Variants in NTM observed in about 807,000 individuals in gnomAD.
NTM encodes the protein neurotrimin.
A neutral mutation model predicts 42.1 loss-of-function variants in NTM; 13 were observed. That is an observed-to-expected ratio of 0.31 (90% CI 0.20 to 0.49). The LOEUF is 0.49. NTM is among the 20% of genes least tolerant of loss of function. The pLI is 0.99. For missense variants in NTM, 373 were observed against 452.8 expected (o/e 0.82, Z 1.60); for synonymous variants, 187 against 179.2 (o/e 1.04, Z -0.35).
At chr11:132,273,313 T>TG (rs1406819461) in intron 4 of NTM, among the ~76,000 whole-genome samples, 2 of 103,808 alleles carry the variant, frequency 1.9e-5, no homozygotes, top group Admixed American at 1.1e-4. Context: ...ACTAGTGTTT[T>TG]TTTTTTTTTT....
At chr11:131,378,861 TC>T (rs951892262) in intron 1 of NTM, among the ~76,000 whole-genome samples, 1 of 152,184 alleles carries the variant, frequency 6.6e-6, no homozygotes, top group Non-Finnish European at 1.5e-5. Flanking sequence ...CACTGCTCCC[TC>T]CTTCTCATGG....
chr11:132,234,024 T>G (rs1353557252), intron 4 of NTM, among the ~76,000 whole-genome samples: 1 of 152,200 alleles, frequency 6.6e-6, no homozygotes, highest in Admixed American at 6.5e-5. Flanking sequence ...AACAAGACAC[T>G]TTCTTGCCTC....
At chr11:132,139,842 A>T (rs972783625) in intron 2 of NTM, among the ~76,000 whole-genome samples, 1 of 152,158 alleles carries the variant, frequency 6.6e-6, no homozygotes, top group Non-Finnish European at 1.5e-5. Context: ...CAGTGGACAG[A>T]TATTTATTGT....
At chr11:131,882,913 C>A (rs1592532419) in intron 1 of NTM, among the ~76,000 whole-genome samples, 1 of 151,694 alleles carries the variant, frequency 6.6e-6, no homozygotes, top group Non-Finnish European at 1.5e-5. Context: ...GGGAATAGGT[C>A]AAAAAAGTTC....
intron 1 of NTM, among the ~76,000 whole-genome samples, chr11:131,820,883 A>G (rs1047758708): frequency 2.6e-5 from 4 of 152,072 alleles, no homozygotes; most frequent in Non-Finnish European, 5.9e-5. Flanking sequence ...TCATTTTGCT[A>G]TTACAAACGC....
intron 1 of NTM, among the ~76,000 whole-genome samples, chr11:131,685,695 C>A (rs1383807269): frequency 1.3e-5 from 2 of 152,128 alleles, no homozygotes; most frequent in South Asian, 2.1e-4. Flanking sequence ...TTAAAAAAAT[C>A]ATTTTGCTTA....
At chr11:132,254,215 G>T (rs570206326) in intron 4 of NTM, among the ~76,000 whole-genome samples, 1 of 152,220 alleles carries the variant, frequency 6.6e-6, no homozygotes, top group South Asian at 2.1e-4. Context: ...GCTAGAGACA[G>T]ACCTTATCTC....
chr11:131,799,445 T>G (rs2136215952), intron 1 of NTM, among the ~76,000 whole-genome samples: 1 of 152,262 alleles, frequency 6.6e-6, no homozygotes, highest in South Asian at 2.1e-4. Flanking sequence ...TTTTATTTAT[T>G]TATTCTATAT....
chr11:131,740,807 G>A (rs1291111866), intron 1 of NTM, among the ~76,000 whole-genome samples: 1 of 152,138 alleles, frequency 6.6e-6, no homozygotes, highest in Non-Finnish European at 1.5e-5. Context: ...GGGTCGGCTG[G>A]GCTCAGGCAC....
intron 2 of NTM, among the ~76,000 whole-genome samples, chr11:131,919,115 C>CTT (rs11395451): frequency 0.028 from 4,061 of 145,826 alleles, 157 homozygotes; most frequent in African/African-American, 0.086. Flanking sequence ...AAAACGCTTC[C>CTT]TTTTTTTTTT....
At chr11:131,530,517 G>A in intron 1 of NTM, among the ~76,000 whole-genome samples, 1 of 151,818 alleles carries the variant, frequency 6.6e-6, no homozygotes, top group East Asian at 1.9e-4. Context: ...AGGAGGGAAG[G>A]GAAAACACTT....
chr11:131,843,596 G>C (rs2044553092), intron 1 of NTM, among the ~76,000 whole-genome samples: 1 of 152,226 alleles, frequency 6.6e-6, no homozygotes, highest in African/African-American at 2.4e-5. Context: ...GCACATGTGA[G>C]CGGGAATTAC....
intron 3 of NTM, among the ~76,000 whole-genome samples, chr11:132,181,909 A>G (rs1168325458): frequency 6.6e-6 from 1 of 151,502 alleles, no homozygotes; most frequent in Non-Finnish European, 1.5e-5. Context: ...ACTATAAGGC[A>G]AGTCTGAAAT....
intron 1 of NTM, among the ~76,000 whole-genome samples, chr11:131,644,758 A>ATT (rs11436430): frequency 1.7e-4 from 25 of 150,092 alleles, no homozygotes; most frequent in East Asian, 5.9e-4. Flanking sequence ...TGAAAGATAC[A>ATT]TTTTTTTTTT....
chr11:131,514,308 T>G (rs2048621521), intron 1 of NTM, among the ~76,000 whole-genome samples: 1 of 152,152 alleles, frequency 6.6e-6, no homozygotes, highest in African/African-American at 2.4e-5. Flanking sequence ...GATAGTGTTG[T>G]AAAATTCCAA....
rs149493278 is a variant in NTM at position 131,550,746 on chromosome 11, C to T, written c.82+179858C>T. Among the ~76,000 whole-genome samples, 220 of 151,742 alleles carry T rather than the reference C, an allele frequency of 1.4e-3. 1 individual carries two copies. The Middle Eastern group carries it at 0.017, about 12-fold the overall frequency. On this transcript the variant is annotated intron_variant, in intron 1 of 8. Transcript: ENST00000683400. ...AGCTATTCCAGAGGCTGAGATGAGA[C>T]GATCCTTTGAGCCCAGGAGCTTGAA...
chr11:131,768,900 T>C (rs1300435231), intron 1 of NTM, among the ~76,000 whole-genome samples: 1 of 152,208 alleles, frequency 6.6e-6, no homozygotes, highest in East Asian at 1.9e-4. Context: ...TAATATGCCC[T>C]AGACATTTTT....
chr11:132,219,235 CA>C (rs2084584508), intron 4 of NTM, among the ~76,000 whole-genome samples: 1 of 152,114 alleles, frequency 6.6e-6, no homozygotes. Context: ...TTTCTTCAGG[CA>C]GAGTGATTCA....
chr11:131,700,293 C>T (rs2075943996), intron 1 of NTM, among the ~76,000 whole-genome samples: 1 of 152,080 alleles, frequency 6.6e-6, no homozygotes, highest in Non-Finnish European at 1.5e-5. Context: ...TTCTAATTAC[C>T]TGCCTTTATT....
Sources: gnomAD v4.1 joint callset for allele counts (sites outside exome capture counted in the v4.1 genomes callset) on GRCh38, gnomAD v4.1.1 for gene constraint, MANE v1.5 for transcripts, NCBI Gene and HGNC (gene_info 2026-07-23, HGNC 2026-07-21) for gene names.